The following MCM6 variants were observed in gnomAD, a reference collection of about 807,000 sequenced individuals.
MCM6 encodes the protein DNA replication licensing factor MCM6.
MCM6 carries 46 observed loss-of-function variants against 94.3 expected under a neutral mutation model. The observed-to-expected ratio is 0.49, with a 90% CI of 0.39 to 0.62. MCM6 has a LOEUF of 0.62. MCM6 is among the 20% of genes least tolerant of loss of function. MCM6 has a pLI of 0.00. For missense variants in MCM6, 865 were observed against 1,017.9 expected (o/e 0.85, Z 2.04); for synonymous variants, 335 against 351.9 (o/e 0.95, Z 0.54).
At position 135,866,253 on chromosome 2, in the gene MCM6, C is replaced by A; in HGVS notation, c.806G>T (p.Arg269Leu). 1.2e-6 allele frequency: 2 copies of A among 1,614,094 alleles called. No homozygotes were observed. The highest frequency in any genetic ancestry group is 1.7e-6 in the Non-Finnish European group (2 of 1,179,994). ...TPGARAETNSRVSGVDGYETE... is the reference protein window; with the variant it reads ...TPGARAETNSLVSGVDGYETE... ...CTCATATCCATCAACACCACTGACA[C>A]GGGAATTAGTTTCTGCACGTGCTCC... Residue 269 changes from arginine (R) to leucine (L), a missense_variant, in exon 6 of 17, where the codon CGT becomes CTT. By Grantham distance (102) the Arg-to-Leu change is moderately radical. This residue lies in a region of MCM6 where 404 missense variants were observed against 451.9 expected (regional missense o/e 0.89). Transcript: ENST00000264156.
In MCM6 at chr2:135,869,085, C is replaced by T. The variant is rs566708644; in HGVS notation, c.366-225G>A. 4.6e-5 allele frequency among the ~76,000 whole-genome samples: 7 copies of T among 151,928 alleles called. No individual in the cohort carries two copies. In the South Asian group the frequency reaches 1.5e-3, roughly 32 times the overall value. Reference sequence around the variant, plus strand: ...AAATATATAAATGAACTAAAGGATGCCAAAAAAATGAAAATTAAAATTATA... The same window carrying T: ...AAATATATAAATGAACTAAAGGATGTCAAAAAAATGAAAATTAAAATTATA... On this transcript the variant is annotated intron_variant, in intron 3 of 16. Transcript: ENST00000264156.
chr2:135,873,127 C>A (rs1435643308), intron 1 of MCM6, among the ~76,000 whole-genome samples: 1 of 152,132 alleles, frequency 6.6e-6, no homozygotes, highest in South Asian at 2.1e-4. Flanking sequence ...GTAAGTCTCA[C>A]GAGATCTGAT....
chr2:135,870,454 ATCTG>A (rs1419364511), intron 2 of MCM6, 93 bp from the exon 3 acceptor site: 6 of 837,642 alleles, frequency 7.2e-6, no homozygotes, highest in Non-Finnish European at 1.2e-5. Flanking sequence ...AAGGAATTTC[ATCTG>A]GTTACAACTA....
At chr2:135,875,083 G>A (rs190707219) in intron 1 of MCM6, among the ~76,000 whole-genome samples, 36 of 152,326 alleles carry the variant, frequency 2.4e-4, no homozygotes, top group African/African-American at 7.7e-4. Context: ...GATGAAAAGA[G>A]TTTGGAGCCG....
In MCM6 at chr2:135,848,061, C is replaced by T. The variant is rs1048954573; in HGVS notation, c.2045G>A (p.Gly682Asp). The change falls in exon 14 of 17, where the codon GGC (glycine) becomes GAC (aspartate). Residue 682 changes from glycine to aspartate, a missense_variant. By Grantham distance (94) the Gly-to-Asp change is moderately conservative (BLOSUM62 -1). Transcript: ENST00000264156. ...IQMEVDEGAG[G>D]INGHADSPAP... Reference sequence around the variant, plus strand: ...ATGAACAAGTATCTCACCATTGATGCCACCAGCACCCTCATCTACCTCCAT... The same window carrying T: ...ATGAACAAGTATCTCACCATTGATGTCACCAGCACCCTCATCTACCTCCAT... 5.0e-6 allele frequency: 8 copies of T among 1,607,072 alleles called. No homozygotes were observed. In the East Asian group the frequency reaches 1.6e-4, roughly 31 times the overall value.
rs566522057 is a variant in MCM6, at chr2:135,870,314, C to T, written c.302G>A (p.Arg101His). 5.5e-5 allele frequency: 88 copies of T among 1,613,714 alleles called. 1 individual carries two copies. The highest frequency in any genetic ancestry group is 4.6e-4 in the South Asian group (42 of 91,060). The change falls in exon 3 of 17, where the codon CGT becomes CAT. Residue 101 changes from arginine to histidine, a missense_variant. Coordinates refer to ENST00000264156, the MANE Select transcript of MCM6 (RefSeq NM_005915.6). Reference protein sequence around the residue: ...CRALKTFVKDRKEIPLAKDFY... With the variant: ...CRALKTFVKDHKEIPLAKDFY... ...ATCCTTGGCAAGAGGGATCTCTTTA[C>T]GGTCTTTGACGAATGTTTTCAAGGC... is the stretch of plus-strand genomic sequence containing the variant.
At chr2:135,863,212 T>C (rs970694937) in intron 7 of MCM6, among the ~76,000 whole-genome samples, 5 of 152,248 alleles carry the variant, frequency 3.3e-5, no homozygotes, top group African/African-American at 1.2e-4. Flanking sequence ...TGAATAAATA[T>C]ATGTTAACTG....
rs1258493233 is a variant in MCM6, at chr2:135,848,335, CCTCT to C, written c.1918-151_1918-148del. ...GTTGCTTTGGTTTTCTCACAAACAC[CCTCT>C]CTCATTCTCTCTCTTACACACACAG... On this transcript the variant is annotated intron_variant, in intron 13 of 16. Transcript: ENST00000264156. 7.1e-6 allele frequency: 4 copies of C among 562,956 alleles called. No individual in the cohort carries two copies. In the Admixed American group the frequency reaches 8.7e-5, roughly 12 times the overall value. 34.9% of individuals were successfully genotyped at this position (562,956 alleles called of 1,614,324 possible).
intron 2 of MCM6, 38 bp from the exon 3 acceptor site, chr2:135,870,399 T>G: frequency 7.1e-7 from 1 of 1,407,836 alleles, no homozygotes; most frequent in Non-Finnish European, 1.0e-6. Flanking sequence ...CTTAGAGGTT[T>G]ACCAAGGCCT....
chr2:135,851,637 G>A (rs1038290551), intron 12 of MCM6, 74 bp from the exon 13 acceptor site: 3 of 1,321,856 alleles, frequency 2.3e-6, no homozygotes, highest in Admixed American at 2.6e-5. Context: ...AAGTTTAAGA[G>A]CCTTCCAGGT....
At chr2:135,862,145 A>T (rs992839557) in intron 8 of MCM6, among the ~76,000 whole-genome samples, 1 of 152,122 alleles carries the variant, frequency 6.6e-6, no homozygotes, top group African/African-American at 2.4e-5. Flanking sequence ...TGTGAAAATG[A>T]CAAACTCATG....
intron 4 of MCM6, among the ~76,000 whole-genome samples, chr2:135,867,883 C>T (rs1304391145): frequency 1.3e-5 from 2 of 152,006 alleles, no homozygotes; most frequent in African/African-American, 4.8e-5. Flanking sequence ...AAAAATTAGC[C>T]GGGTGTGGTG....
intron 13 of MCM6, among the ~76,000 whole-genome samples, chr2:135,850,578 A>G (rs1679762318): frequency 6.6e-6 from 1 of 152,238 alleles, no homozygotes; most frequent in African/African-American, 2.4e-5. Context: ...GTAAAGTACC[A>G]TATCAAAGAA....
intron 16 of MCM6, among the ~76,000 whole-genome samples, chr2:135,843,542 G>A (rs1189425866): frequency 2.6e-5 from 4 of 151,908 alleles, no homozygotes; most frequent in Admixed American, 2.6e-4. Context: ...AGATCAGCCT[G>A]GCCAACATGG....
chr2:135,861,954 C>G (rs1680003683), intron 8 of MCM6, among the ~76,000 whole-genome samples: 1 of 152,094 alleles, frequency 6.6e-6, no homozygotes, highest in East Asian at 1.9e-4. Context: ...TGTTTGTATT[C>G]TTAGTCTCAA....
At chr2:135,872,554 C>T in intron 2 of MCM6, 143 bp downstream of exon 2, 1 of 783,642 alleles carries the variant, frequency 1.3e-6, no homozygotes, top group South Asian at 1.8e-5. Flanking sequence ...CGACCACTGG[C>T]AGTATCAAAG....
In MCM6 at chr2:135,872,584, A is replaced by G. The variant is rs544076729; in HGVS notation, c.254+113T>C. 8 of 1,125,456 alleles carry G rather than the reference A, an allele frequency of 7.1e-6. No homozygotes were observed. The South Asian group carries it at 7.6e-5, about 11-fold the overall frequency. The allele number at this position is 1,125,456 out of a possible 1,614,324, so 69.7% of individuals were successfully genotyped here. ...TCAAAGCGCCTCTTCTCAGTGGGAA[A>G]TAACTGTGAAAGCTGACCTTCTGCT... On this transcript the variant is annotated intron_variant, in intron 2 of 16. Transcript: ENST00000264156.
chr2:135,841,237 G>T (rs1679563699), intron 16 of MCM6, among the ~76,000 whole-genome samples: 1 of 152,122 alleles, frequency 6.6e-6, no homozygotes. Flanking sequence ...TTCAAAAAAG[G>T]AAGTAATGCT....
chr2:135,857,403 T>C lies in MCM6; in HGVS notation c.1470+494A>G, dbSNP rs4988210. 2.5e-3 allele frequency among the ~76,000 whole-genome samples: 383 copies of C among 152,320 alleles called. 1 individual carries two copies. Among genetic ancestry groups the C allele is most frequent in the African/African-American group, 8.4e-3 (350 of 41,572 alleles). On this transcript the variant is annotated intron_variant, in intron 10 of 16. Transcript: ENST00000264156. ...TATTTTCCTCCTCCTAAAATTCCTT[T>C]TTATCCATTAGATACCTCTAAGTAT... is the stretch of plus-strand genomic sequence containing the variant.
Sources: allele counts gnomAD v4.1 joint callset (sites outside exome capture counted in the v4.1 genomes callset), GRCh38; gene constraint gnomAD v4.1.1; regional missense constraint gnomAD v4.1.1; transcripts MANE v1.5; gene names NCBI Gene and HGNC (gene_info 2026-07-23, HGNC 2026-07-21).